The following TMC5 variants were observed in gnomAD, a reference collection of about 807,000 sequenced individuals.
The protein encoded by TMC5 is transmembrane channel like 5.
TMC5 carries 86 observed loss-of-function variants against 110.5 expected under a neutral mutation model. The observed-to-expected ratio is 0.78, with a 90% CI of 0.65 to 0.93. TMC5 has a LOEUF of 0.93. Among genes scored for constraint, TMC5 ranks in the 40% least tolerant of loss-of-function variants. The pLI is 0.00. For synonymous variants in TMC5, 455 were observed against 439.5 expected (o/e 1.04, Z -0.44); for missense variants, 1,144 against 1,222.8 (o/e 0.94, Z 0.96).
chr16:19,426,005 G>A (rs1327209894), intron 1 of TMC5, among the ~76,000 whole-genome samples: 5 of 152,164 alleles, frequency 3.3e-5, no homozygotes, highest in Non-Finnish European at 5.9e-5. Flanking sequence ...CTATTTCTAA[G>A]GCTATGGTAA....
In TMC5 at chr16:19,487,398, T is replaced by C. The variant is rs1377863301; in HGVS notation, c.2573+72T>C. On this transcript the variant is annotated intron_variant, in intron 17 of 21. Transcript: ENST00000542583. ...GGTGTGTGTTTTAAAACGTAGGTTT[T>C]ATTATAATTCAGGTGTGGTGAGGCC... 2.6e-6 allele frequency: 4 copies of C among 1,544,462 alleles called. No homozygotes were observed. In the East Asian group the frequency reaches 9.0e-5, roughly 35 times the overall value.
intron 9 of TMC5, among the ~76,000 whole-genome samples, chr16:19,468,655 G>C (rs1968248155): frequency 6.6e-6 from 1 of 152,218 alleles, no homozygotes; most frequent in Non-Finnish European, 1.5e-5. Context: ...GGAGGTCAGA[G>C]AGTAGCAGGG....
intron 11 of TMC5, among the ~76,000 whole-genome samples, chr16:19,473,373 A>AC (rs1347455733): frequency 6.8e-6 from 1 of 146,296 alleles, no homozygotes; most frequent in African/African-American, 2.6e-5. Flanking sequence ...AAAAAAAAAA[A>AC]AAAAAAAACC....
In TMC5 at chr16:19,479,288, G is replaced by T; in HGVS notation, c.2170-143G>T. ...AAACTCAGCTGCATTTTTTCAGAGT[G>T]GGTCTACTTTTTTGAGTACACAAGG... On this transcript the variant is annotated intron_variant, in intron 13 of 21. Coordinates refer to ENST00000542583, the MANE Select transcript of TMC5 (RefSeq NM_001261841.2). 2.1e-5 allele frequency: 15 copies of T among 719,416 alleles called. 1 individual carries two copies. The South Asian group carries it at 2.2e-4, about 10-fold the overall frequency. The allele number at this position is 719,416 out of a possible 1,614,324, so 44.6% of individuals were successfully genotyped here. A position where few individuals can be genotyped will look rare whatever the true frequency, so the allele number is the denominator to read the frequency against.
chr16:19,487,394 G>C (rs1968772982), intron 17 of TMC5, 68 bp downstream of exon 17: 1 of 1,548,634 alleles, frequency 6.5e-7, no homozygotes, highest in Non-Finnish European at 8.7e-7. Flanking sequence ...TAAAACGTAG[G>C]TTTTATTATA....
At position 19,466,069 on chromosome 16, in the gene TMC5, T is replaced by G; in HGVS notation, c.1486-13T>G. ...GGAGATCCACCTGACCTATGGTTTA[T>G]TGTACCTTTCAGGGTTATTTTAGGG... On this transcript the variant is annotated splice_polypyrimidine_tract_variant and intron_variant, in intron 8 of 21. Coordinates refer to ENST00000542583, the MANE Select transcript of TMC5 (RefSeq NM_001261841.2). 1 of 1,613,670 alleles carries G rather than the reference T, an allele frequency of 6.2e-7. No homozygotes were observed. The highest frequency in any genetic ancestry group is 8.5e-7 in the Non-Finnish European group (1 of 1,179,772).
chr16:19,487,239 C>A lies in TMC5; in HGVS notation c.2486C>A (p.Ala829Asp). Residue 829 changes from alanine to aspartate, a missense_variant, in exon 17 of 22, where the codon GCC becomes GAC. Coordinates refer to ENST00000542583, the MANE Select transcript of TMC5 (RefSeq NM_001261841.2). ...NFQPPSKAWR[A>D]SQMMTFFIFL... ...CAGCCTCCGAGCAAAGCCTGGCGGG[C>A]CTCACAGATGATGACTTTCTTCATC... 6.2e-7 allele frequency: 1 copy of A among 1,614,064 alleles called. No homozygotes were observed. The highest frequency in any genetic ancestry group is 8.5e-7 in the Non-Finnish European group (1 of 1,179,990).
intron 8 of TMC5, 64 bp from the exon 9 acceptor site, chr16:19,466,018 A>G: frequency 6.4e-7 from 1 of 1,573,680 alleles, no homozygotes; most frequent in Non-Finnish European, 8.7e-7. Flanking sequence ...AACTCTCATG[A>G]CCATAATCGT....
chr16:19,480,636 C>G (rs536237570), intron 14 of TMC5, among the ~76,000 whole-genome samples: 1 of 151,990 alleles, frequency 6.6e-6, no homozygotes, highest in East Asian at 1.9e-4. Context: ...GAAACCCTGT[C>G]TCTACTAAAA....
intron 4 of TMC5, among the ~76,000 whole-genome samples, chr16:19,448,923 G>A (rs1259852848): frequency 6.2e-5 from 9 of 145,422 alleles, no homozygotes; most frequent in East Asian, 2.0e-4. Context: ...GTGCAGTGGC[G>A]CGATCTCGGC....
intron 4 of TMC5, among the ~76,000 whole-genome samples, chr16:19,445,520 G>C (rs944921890): frequency 6.6e-6 from 1 of 152,106 alleles, no homozygotes; most frequent in Non-Finnish European, 1.5e-5. Flanking sequence ...GGGATTACAG[G>C]CTTGAGCCTG....
upstream of TMC5, chr16:19,417,561 C>T (rs1048765936): frequency 4.7e-5 from 7 of 148,602 alleles, no homozygotes; most frequent in East Asian, 1.9e-4. Context: ...AAACACAAAA[C>T]GAATCTATTT....
At chr16:19,439,696 A>T (rs938485860) in intron 2 of TMC5, among the ~76,000 whole-genome samples, 1 of 152,138 alleles carries the variant, frequency 6.6e-6, no homozygotes, top group Non-Finnish European at 1.5e-5. Flanking sequence ...AGCCCAGAGG[A>T]AGCAAGATGG....
At position 19,497,183 on chromosome 16, in the gene TMC5, C is replaced by T; in HGVS notation, c.2974+20C>T. ...GTCTTGGTGAGTAATTAAACTGGGA[C>T]AGAATAAGACACTAATTTATTTCTG... On this transcript the variant is annotated intron_variant, in intron 21 of 21. Coordinates refer to ENST00000542583, the MANE Select transcript of TMC5 (RefSeq NM_001261841.2). 1 of 1,604,586 alleles carries T rather than the reference C, an allele frequency of 6.2e-7. No homozygotes were observed. Among genetic ancestry groups the T allele is most frequent in the Non-Finnish European group, 8.5e-7 (1 of 1,171,736 alleles).
intron 19 of TMC5, among the ~76,000 whole-genome samples, chr16:19,492,981 G>A (rs1968953808): frequency 8.0e-6 from 1 of 125,166 alleles, no homozygotes; most frequent in Admixed American, 8.6e-5. Context: ...TTTATTTTGA[G>A]ACAGAGTTTC....
At chr16:19,467,505 G>T (rs1431196316) in intron 9 of TMC5, among the ~76,000 whole-genome samples, 3 of 151,982 alleles carry the variant, frequency 2.0e-5, no homozygotes, top group Admixed American at 6.6e-5. Context: ...ATTTTGAGAT[G>T]GAGTCTCACT....
In TMC5 at chr16:19,466,209, C is replaced by A. The variant is rs1430152159; in HGVS notation, c.1613C>A (p.Thr538Asn). 1.9e-6 allele frequency: 3 copies of A among 1,614,016 alleles called. No individual in the cohort carries two copies. The highest frequency in any genetic ancestry group is 2.5e-6 in the Non-Finnish European group (3 of 1,180,042). ...YIFTIGACLT[T>N]CFFSLLFSMA... ...TTCACAATCGGAGCATGCTTGACCA[C>A]CTGCTTCTTCAGTTTGCTGTTCAGG... The change falls in exon 9 of 22, where the codon ACC (threonine) becomes AAC (asparagine). Residue 538 changes from threonine (T) to asparagine (N), a missense_variant. By Grantham distance (65) the Thr-to-Asn change is moderately conservative. Coordinates refer to ENST00000542583, the MANE Select transcript of TMC5 (RefSeq NM_001261841.2).
At chr16:19,482,669 C>G (rs546339708) in intron 15 of TMC5, among the ~76,000 whole-genome samples, 3 of 152,224 alleles carry the variant, frequency 2.0e-5, no homozygotes, top group Non-Finnish European at 4.4e-5. Context: ...AAGAAACACA[C>G]AGAGAGGGCT....
intron 18 of TMC5, among the ~76,000 whole-genome samples, chr16:19,491,045 C>T (rs970422994): frequency 1.4e-5 from 2 of 144,138 alleles, no homozygotes; most frequent in African/African-American, 5.1e-5. Context: ...GGGTCATGAT[C>T]TCTCACTCAG....
Sources: allele counts gnomAD v4.1 joint callset (sites outside exome capture counted in the v4.1 genomes callset), GRCh38; gene constraint gnomAD v4.1.1; transcripts MANE v1.5; gene names NCBI Gene and HGNC (gene_info 2026-07-23, HGNC 2026-07-21).